Variants in PTCD2 observed in about 807,000 individuals in gnomAD.
PTCD2 encodes the protein pentatricopeptide repeat-containing protein 2, mitochondrial.
In PTCD2, 31 loss-of-function variants were observed where a neutral mutation model predicts 42.6. The ratio of observed to expected loss-of-function variants is 0.73; its 90% CI spans 0.55 to 0.98. The LOEUF is 0.98. Ranked by LOEUF, PTCD2 falls within the 50% of genes least tolerant of loss-of-function variation. PTCD2 has a pLI of 0.00. For missense variants in PTCD2, 476 were observed against 454.8 expected (o/e 1.05, Z -0.42); for synonymous variants, 183 against 170.9 (o/e 1.07, Z -0.55).
Position 72,320,563 on chromosome 5 carries a change from G to T in PTCD2, c.127+54G>T, listed in dbSNP as rs1750765776. The T allele has an allele frequency of 5.0e-6, 8 of 1,607,040 alleles. No individual in the cohort carries two copies. The East Asian group carries it at 1.6e-4, about 31-fold the overall frequency. On this transcript the variant is annotated intron_variant, in intron 1 of 9. Transcript: ENST00000380639. ...GGGGAGGGATGGGAGAGAAGGGAGT[G>T]TTAGATCCCAGCTAGCATCTCTGTG...
rs755890595 is a variant in PTCD2 at position 72,320,527 on chromosome 5, C to T, written c.127+18C>T. 3.5e-5 allele frequency: 56 copies of T among 1,613,192 alleles called. 1 individual carries two copies. In the East Asian group the frequency reaches 1.1e-3, roughly 32 times the overall value. On this transcript the variant is annotated intron_variant, in intron 1 of 9. Coordinates refer to ENST00000380639, the MANE Select transcript of PTCD2 (RefSeq NM_024754.5). Reference sequence around the variant, plus strand: ...TCTCGGAGGTATCCGCGGCTTTAGCCTAGGGAAGGAGGGGAGGGATGGGAG... The same window carrying T: ...TCTCGGAGGTATCCGCGGCTTTAGCTTAGGGAAGGAGGGGAGGGATGGGAG...
intron 8 of PTCD2, among the ~76,000 whole-genome samples, chr5:72,347,729 T>TG (rs1312696037): frequency 6.6e-6 from 1 of 151,988 alleles, no homozygotes; most frequent in African/African-American, 2.4e-5. Flanking sequence ...GATTTTTTTT[T>TG]TTTCCCCCAA....
In PTCD2 at chr5:72,366,889, A is replaced by C. The variant is rs1753218229; in HGVS notation, c.*8462A>C. The C allele has an allele frequency of 6.6e-6, 1 of 152,258 alleles. No individual in the cohort carries two copies. Among genetic ancestry groups the C allele is most frequent in the Admixed American group, 6.5e-5 (1 of 15,288 alleles). 9.4% of individuals were successfully genotyped at this position (152,258 alleles called of 1,614,324 possible). ...TGAGAAAACATACACTCAGTTTCTT[A>C]TGAAAGAAAAAGGATGGTCATTTGT... On this transcript the variant is annotated 3_prime_UTR_variant, in exon 10 of 10. Coordinates refer to ENST00000380639, the MANE Select transcript of PTCD2 (RefSeq NM_024754.5).
At chr5:72,351,267 A>T (rs1752606738) in intron 8 of PTCD2, among the ~76,000 whole-genome samples, 1 of 152,166 alleles carries the variant, frequency 6.6e-6, no homozygotes, top group African/African-American at 2.4e-5. Context: ...GTTGCACAAG[A>T]TAGTTGTGCA....
rs1751887450 is a variant in PTCD2, at chr5:72,338,718, G to A, written c.736G>A (p.Ala246Thr). 1 of 1,605,836 alleles carries A rather than the reference G, an allele frequency of 6.2e-7. No homozygotes were observed. The highest frequency in any genetic ancestry group is 1.1e-5 in the South Asian group (1 of 90,784). The change falls in exon 7 of 10, where the codon GCA becomes ACA. Residue 246 changes from alanine to threonine, a missense_variant. Physicochemically the swap from Ala to Thr is moderately conservative, Grantham distance 58. Transcript: ENST00000380639. Reference sequence around the variant, plus strand: ...CAGGAGAGCATCCTGTTTCGCTGTGGCATTAGCTCTGAATCAGGTAAAGCC... The same window carrying A: ...CAGGAGAGCATCCTGTTTCGCTGTGACATTAGCTCTGAATCAGGTAAAGCC... Reference protein sequence around the residue: ...LSRRASCFAVALALNQNEMAK... With the variant: ...LSRRASCFAVTLALNQNEMAK...
At chr5:72,354,383 A>G (rs955723635) in intron 9 of PTCD2, among the ~76,000 whole-genome samples, 18 of 32,012 alleles carry the variant, frequency 5.6e-4, no homozygotes, top group African/African-American at 2.4e-3. Flanking sequence ...ACTCCATCTG[A>G]AAAAAAAAAA....
intron 8 of PTCD2, among the ~76,000 whole-genome samples, chr5:72,345,251 A>G (rs1403912275): frequency 6.6e-6 from 1 of 152,222 alleles, no homozygotes; most frequent in African/African-American, 2.4e-5. Context: ...TCCTTTTGAA[A>G]GAAGAGAAAT....
rs925782428 is a variant in PTCD2 at position 72,362,312 on chromosome 5, C to T, written c.*3885C>T. 1.3e-5 allele frequency: 2 copies of T among 152,158 alleles called. No individual in the cohort carries two copies. Among genetic ancestry groups the T allele is most frequent in the Non-Finnish European group, 2.9e-5 (2 of 68,044 alleles). 9.4% of individuals were successfully genotyped at this position (152,158 alleles called of 1,614,324 possible). On this transcript the variant is annotated 3_prime_UTR_variant, in exon 10 of 10. Coordinates refer to ENST00000380639, the MANE Select transcript of PTCD2 (RefSeq NM_024754.5). ...AAACAAGCCCAAAGAAATTTGGTCACCCCTTCCTTTAAGCGAGGTCATGGC... is the reference window on the plus strand; with the variant it reads ...AAACAAGCCCAAAGAAATTTGGTCATCCCTTCCTTTAAGCGAGGTCATGGC...
chr5:72,352,836 C>A, intron 9 of PTCD2, 82 bp downstream of exon 9: 1 of 728,472 alleles, frequency 1.4e-6, no homozygotes, highest in Non-Finnish European at 2.3e-6. Flanking sequence ...AATTCTAAAG[C>A]TTACCTTAAA....
chr5:72,358,173 A>AT (rs1318984352), intron 9 of PTCD2, 30 bp from the exon 10 acceptor site: 2 of 1,545,052 alleles, frequency 1.3e-6, no homozygotes, highest in Non-Finnish European at 1.8e-6. Flanking sequence ...TCTTGCAGAG[A>AT]TGTAATGATG....
intron 3 of PTCD2, among the ~76,000 whole-genome samples, chr5:72,328,168 C>T (rs1751246110): frequency 6.6e-6 from 1 of 152,210 alleles, no homozygotes; most frequent in African/African-American, 2.4e-5. Flanking sequence ...TATTATTTCT[C>T]ATAATCCTGG....
At chr5:72,335,281 C>T (rs554634980) in intron 5 of PTCD2, among the ~76,000 whole-genome samples, 185 bp downstream of exon 5, 1 of 152,010 alleles carries the variant, frequency 6.6e-6, no homozygotes, top group East Asian at 1.9e-4. Context: ...AACCCCGTCT[C>T]TACTAAAAAT....
At position 72,363,827 on chromosome 5, in the gene PTCD2, CA is replaced by C. The variant is rs1753144472; in HGVS notation, c.*5402del. The C allele has an allele frequency of 6.6e-6, 1 of 152,066 alleles. No individual in the cohort carries two copies. Among genetic ancestry groups the C allele is most frequent in the Non-Finnish European group, 1.5e-5 (1 of 68,020 alleles). The allele number at this position is 152,066 out of a possible 1,614,324, so 9.4% of individuals were successfully genotyped here. A position where few individuals can be genotyped will look rare whatever the true frequency, so the allele number is the denominator to read the frequency against. On this transcript the variant is annotated 3_prime_UTR_variant, in exon 10 of 10. Coordinates refer to ENST00000380639, the MANE Select transcript of PTCD2 (RefSeq NM_024754.5). The stretch of plus-strand genomic sequence containing the variant: ...TAAAGAAATCCATACAAACTAAGGC[CA>C]ATTGTGGCAAAACTACATGAGACTT...
At chr5:72,337,779 C>T (rs771276608) in intron 6 of PTCD2, among the ~76,000 whole-genome samples, 28 of 152,048 alleles carry the variant, frequency 1.8e-4, no homozygotes, top group Non-Finnish European at 1.3e-4. Flanking sequence ...GGCAACAGAG[C>T]GAGACTCTGT....
intron 4 of PTCD2, among the ~76,000 whole-genome samples, chr5:72,334,609 T>C (rs1191622904): frequency 6.6e-6 from 1 of 152,074 alleles, no homozygotes; most frequent in Non-Finnish European, 1.5e-5. Flanking sequence ...TGGAGTGCAG[T>C]GGCGTGATCT....
chr5:72,323,834 A>T (rs542906651), intron 2 of PTCD2, among the ~76,000 whole-genome samples: 8 of 151,972 alleles, frequency 5.3e-5, no homozygotes, highest in African/African-American at 1.9e-4. Context: ...TTTTTTTTGT[A>T]GAGATGGTCT....
In PTCD2 at chr5:72,365,802, A is replaced by T. The variant is rs1753190730; in HGVS notation, c.*7375A>T. 6.6e-6 allele frequency: 1 copy of T among 152,236 alleles called. No homozygotes were observed. The highest frequency in any genetic ancestry group is 2.1e-4 in the South Asian group (1 of 4,826). 9.4% of individuals were successfully genotyped at this position (152,236 alleles called of 1,614,324 possible). A position where few individuals can be genotyped will look rare whatever the true frequency, so the allele number is the denominator to read the frequency against. On this transcript the variant is annotated 3_prime_UTR_variant, in exon 10 of 10. Transcript: ENST00000380639. Reference sequence around the variant, plus strand: ...GAAAATGTCATTTCCAATTTAGAAGATCATAATCGATTTTTAACACATTGG... The same window carrying T: ...GAAAATGTCATTTCCAATTTAGAAGTTCATAATCGATTTTTAACACATTGG...
chr5:72,335,905 A>G lies in PTCD2; in HGVS notation c.639+20A>G, dbSNP rs762440670. The stretch of plus-strand genomic sequence containing the variant: ...AAACTGGTAAGACTCTTTCCTCTTA[A>G]CTTTGAGAGCATTGTGTGTAGTCTT... On this transcript the variant is annotated intron_variant, in intron 6 of 9. Transcript: ENST00000380639. 2.8e-6 allele frequency: 4 copies of G among 1,448,824 alleles called. No individual in the cohort carries two copies. In the African/African-American group the frequency reaches 5.6e-5, roughly 20 times the overall value. 89.7% of individuals were successfully genotyped at this position (1,448,824 alleles called of 1,614,324 possible). A position where few individuals can be genotyped will look rare whatever the true frequency, so the allele number is the denominator to read the frequency against.
At chr5:72,331,436 G>A (rs1465314084) in intron 4 of PTCD2, 61 bp downstream of exon 4, 3 of 1,175,542 alleles carry the variant, frequency 2.6e-6, no homozygotes, top group East Asian at 2.3e-5. Flanking sequence ...ATTGGAAAAG[G>A]CATGTCTTCT....
Sources: gnomAD v4.1 joint callset for allele counts (sites outside exome capture counted in the v4.1 genomes callset) on GRCh38, gnomAD v4.1.1 for gene constraint, MANE v1.5 for transcripts, NCBI Gene and HGNC (gene_info 2026-07-23, HGNC 2026-07-21) for gene names.